CD96: variants seen among roughly 807,000 people sequenced by gnomAD.
The protein encoded by CD96 is CD96 molecule, also known as T-cell surface protein tactile.
CD96 carries 70 observed loss-of-function variants against 71.3 expected under a neutral mutation model. That is an observed-to-expected ratio of 0.98 (90% CI 0.81 to 1.20). The LOEUF (loss-of-function observed/expected upper bound fraction) is 1.20, where lower values mean the gene tolerates loss of function less well. Among genes scored for constraint, CD96 ranks in the 50% most tolerant of loss-of-function variants. The pLI is 0.00. For synonymous variants in CD96, 248 were observed against 233.0 expected (o/e 1.06, Z -0.59); for missense variants, 742 against 677.5 (o/e 1.10, Z -1.06).
chr3:111,602,381 C>A (rs1424587169), intron 7 of CD96, among the ~76,000 whole-genome samples: 3 of 151,736 alleles, frequency 2.0e-5, no homozygotes, highest in Non-Finnish European at 2.9e-5. Flanking sequence ...GAAAACATAC[C>A]ATAATTCCAA....
At chr3:111,550,872 G>A (rs570187290) in intron 2 of CD96, among the ~76,000 whole-genome samples, 50 of 152,234 alleles carry the variant, frequency 3.3e-4, no homozygotes, top group African/African-American at 9.1e-4. Flanking sequence ...AAAACAATTC[G>A]CACAAGGCTT....
intron 5 of CD96, among the ~76,000 whole-genome samples, chr3:111,589,064 C>T (rs1291037313): frequency 6.6e-6 from 1 of 151,672 alleles, no homozygotes; most frequent in Non-Finnish European, 1.5e-5. Context: ...TATTCTCCTG[C>T]CTCAGCCTCC....
chr3:111,662,600 C>G (rs1450053269), intron 14 of CD96, among the ~76,000 whole-genome samples: 1 of 152,214 alleles, frequency 6.6e-6, no homozygotes, highest in Non-Finnish European at 1.5e-5. Flanking sequence ...CCCAGATATT[C>G]TAAATCATCT....
At chr3:111,551,125 G>A (rs962165806) in intron 2 of CD96, among the ~76,000 whole-genome samples, 2 of 152,154 alleles carry the variant, frequency 1.3e-5, no homozygotes, top group African/African-American at 2.4e-5. Context: ...GACCAATGAG[G>A]TTGGAGAACA....
rs561865701 is a variant in CD96, at chr3:111,651,276, C to G, written c.*1470C>G. ...CCCAGTGTTCTTGCCTCCTACTATTCACATCTTTATGTGGTCCCCTCCAAT... is the reference window on the plus strand; with the variant it reads ...CCCAGTGTTCTTGCCTCCTACTATTGACATCTTTATGTGGTCCCCTCCAAT... On this transcript the variant is annotated 3_prime_UTR_variant, in exon 14 of 14. Transcript: ENST00000352690. 6.6e-6 allele frequency: 1 copy of G among 152,326 alleles called. No homozygotes were observed. The highest frequency in any genetic ancestry group is 2.1e-4 in the South Asian group (1 of 4,824). 9.4% of individuals were successfully genotyped at this position (152,326 alleles called of 1,614,324 possible).
chr3:111,586,574 T>C (rs914335799), intron 5 of CD96, among the ~76,000 whole-genome samples: 1 of 152,202 alleles, frequency 6.6e-6, no homozygotes, highest in Non-Finnish European at 1.5e-5. Context: ...AAGAGTTTAA[T>C]TGGACTTACA....
At chr3:111,630,379 C>CCT (rs1352925907) in intron 10 of CD96, among the ~76,000 whole-genome samples, 6 of 152,112 alleles carry the variant, frequency 3.9e-5, no homozygotes, top group Non-Finnish European at 8.8e-5. Flanking sequence ...AGTATAAACA[C>CCT]CTCTCTGCAA....
At chr3:111,548,244 G>A (rs951298744) in intron 2 of CD96, among the ~76,000 whole-genome samples, 2 of 152,136 alleles carry the variant, frequency 1.3e-5, no homozygotes, top group African/African-American at 4.8e-5. Flanking sequence ...TTCTGTTGCT[G>A]TTTGAGTCAT....
intron 3 of CD96, among the ~76,000 whole-genome samples, chr3:111,576,417 C>T (rs557603805): frequency 2.6e-5 from 4 of 152,272 alleles, no homozygotes; most frequent in African/African-American, 9.6e-5. Flanking sequence ...CAACAAATTG[C>T]CCTCACCCCT....
intron 5 of CD96, among the ~76,000 whole-genome samples, chr3:111,590,113 T>C (rs1325207501): frequency 6.6e-6 from 1 of 152,076 alleles, no homozygotes; most frequent in Non-Finnish European, 1.5e-5. Flanking sequence ...TGTGGAATAA[T>C]TTTTTTTAAC....
intron 2 of CD96, among the ~76,000 whole-genome samples, chr3:111,550,105 G>T (rs895205082): frequency 2.6e-5 from 4 of 152,128 alleles, no homozygotes; most frequent in African/African-American, 9.7e-5. Context: ...GTAGAATCAG[G>T]AGTGAATTGG....
At chr3:111,648,795 G>T (rs1939949333) in intron 13 of CD96, among the ~76,000 whole-genome samples, 1 of 152,122 alleles carries the variant, frequency 6.6e-6, no homozygotes, top group African/African-American at 2.4e-5. Context: ...GATTGCCAGG[G>T]CATAGAGGTG....
At chr3:111,598,661 A>G (rs1937362066) in intron 6 of CD96, among the ~76,000 whole-genome samples, 2 of 152,216 alleles carry the variant, frequency 1.3e-5, no homozygotes, top group African/African-American at 2.4e-5. Context: ...TGAGAATCTG[A>G]GGCAGGTGTT....
At chr3:111,592,873 T>C (rs1002851713) in intron 5 of CD96, 1 of 152,250 alleles carries the variant, frequency 6.6e-6, no homozygotes, top group African/African-American at 2.4e-5. Flanking sequence ...CATTAGGTTG[T>C]TAAAAAGACA....
At chr3:111,590,557 G>A (rs1936929588) in intron 5 of CD96, among the ~76,000 whole-genome samples, 1 of 152,200 alleles carries the variant, frequency 6.6e-6, no homozygotes, top group Non-Finnish European at 1.5e-5. Context: ...ATGCCCCTCA[G>A]GCATGGACAT....
chr3:111,569,352 C>T (rs16858281), intron 3 of CD96, among the ~76,000 whole-genome samples: 4,562 of 152,240 alleles, frequency 0.03, 171 homozygotes, highest in East Asian at 0.15. Flanking sequence ...TCACAAAACT[C>T]GTCTGCCCTT....
At chr3:111,649,463 A>G (rs1461117701) in intron 13 of CD96, among the ~76,000 whole-genome samples, 1 of 152,248 alleles carries the variant, frequency 6.6e-6, no homozygotes, top group African/African-American at 2.4e-5. Flanking sequence ...ATACAAAGTA[A>G]ATAATGTTAT....
At chr3:111,556,790 A>G (rs1178740704) in intron 2 of CD96, among the ~76,000 whole-genome samples, 3 of 152,004 alleles carry the variant, frequency 2.0e-5, no homozygotes, top group Non-Finnish European at 2.9e-5. Flanking sequence ...ACTGACTTCC[A>G]TAATGGTGGA....
chr3:111,599,277 T>C (rs896295504), intron 6 of CD96, among the ~76,000 whole-genome samples: 2 of 152,216 alleles, frequency 1.3e-5, no homozygotes, highest in African/African-American at 4.8e-5. Flanking sequence ...CCTTTCTGAA[T>C]TATTTTTAAA....
Sources: allele counts gnomAD v4.1 joint callset (sites outside exome capture counted in the v4.1 genomes callset), GRCh38; gene constraint gnomAD v4.1.1; transcripts MANE v1.5; gene names NCBI Gene and HGNC (gene_info 2026-07-23, HGNC 2026-07-21).